RNF220: variants seen among roughly 807,000 people sequenced by gnomAD.
The protein encoded by RNF220 is E3 ubiquitin-protein ligase RNF220.
Under a neutral mutation model 67.1 loss-of-function variants are expected in RNF220, and 7 were observed. The observed-to-expected ratio is 0.10, with a 90% CI of 0.06 to 0.20. The LOEUF (loss-of-function observed/expected upper bound fraction) is 0.20. Among genes scored for constraint, RNF220 ranks in the 10% least tolerant of loss-of-function variants. The pLI, the probability that RNF220 is intolerant of heterozygous loss-of-function variation, is 1.00. For missense variants in RNF220, 565 were observed against 740.3 expected, an observed-to-expected ratio of 0.76 and a Z score of 2.75; for synonymous variants, 270 against 283.2, an observed-to-expected ratio of 0.95 and a Z score of 0.47.
intron 3 of RNF220, among the ~76,000 whole-genome samples, chr1:44,618,164 C>A (rs1643639813): frequency 6.6e-6 from 1 of 152,226 alleles, no homozygotes; most frequent in African/African-American, 2.4e-5. Context: ...GCACACCCCA[C>A]TAGGAGCAGG....
intron 2 of RNF220, among the ~76,000 whole-genome samples, chr1:44,580,009 A>G (rs1665116422): frequency 7.0e-6 from 1 of 143,520 alleles, no homozygotes; most frequent in African/African-American, 2.6e-5. Flanking sequence ...AGCCAGGGCA[A>G]CAGAGCAAGA....
chr1:44,553,498 G>C (rs1162229681), intron 2 of RNF220, among the ~76,000 whole-genome samples: 1 of 152,108 alleles, frequency 6.6e-6, no homozygotes, highest in Non-Finnish European at 1.5e-5. Flanking sequence ...CTTTTTCATT[G>C]TTGTACTCTC....
intron 2 of RNF220, among the ~76,000 whole-genome samples, chr1:44,430,615 G>A (rs1009104264): frequency 9.2e-5 from 14 of 151,948 alleles, no homozygotes; most frequent in Non-Finnish European, 1.6e-4. Context: ...GCATGATCTC[G>A]GCTCACTGCA....
At chr1:44,584,413 G>A (rs985558151) in intron 2 of RNF220, among the ~76,000 whole-genome samples, 2 of 152,190 alleles carry the variant, frequency 1.3e-5, no homozygotes, top group African/African-American at 2.4e-5. Flanking sequence ...CATTAACCTC[G>A]TAGGGATTAA....
chr1:44,422,602 C>G (rs1051553520), intron 2 of RNF220, among the ~76,000 whole-genome samples: 1 of 152,112 alleles, frequency 6.6e-6, no homozygotes, highest in African/African-American at 2.4e-5. Flanking sequence ...GCTGAAGTAC[C>G]CACTGTCCTC....
At chr1:44,457,022 C>G (rs1309765939) in intron 2 of RNF220, among the ~76,000 whole-genome samples, 1 of 152,098 alleles carries the variant, frequency 6.6e-6, no homozygotes, top group Non-Finnish European at 1.5e-5. Context: ...CCAGTCTTGC[C>G]CAGTTACACC....
intron 2 of RNF220, among the ~76,000 whole-genome samples, chr1:44,492,920 A>G (rs1656980947): frequency 6.6e-6 from 1 of 151,164 alleles, no homozygotes; most frequent in South Asian, 2.1e-4. Context: ...CCAAAATCTG[A>G]ATTTTTTTTT....
intron 3 of RNF220, among the ~76,000 whole-genome samples, chr1:44,617,526 AG>A (rs1449568173): frequency 6.6e-6 from 1 of 152,266 alleles, no homozygotes; most frequent in Non-Finnish European, 1.5e-5. Flanking sequence ...GGAGCGTGTC[AG>A]CTCCCTCCGG....
At chr1:44,523,759 C>T (rs1660127425) in intron 2 of RNF220, among the ~76,000 whole-genome samples, 1 of 152,142 alleles carries the variant, frequency 6.6e-6, no homozygotes, top group African/African-American at 2.4e-5. Flanking sequence ...TCTGCTATCC[C>T]CCAGGGCCCA....
At chr1:44,594,395 T>C (rs1241148060) in intron 2 of RNF220, among the ~76,000 whole-genome samples, 1 of 152,064 alleles carries the variant, frequency 6.6e-6, no homozygotes, top group Non-Finnish European at 1.5e-5. Flanking sequence ...TCCCAGGAAG[T>C]GGAGCCCATC....
At chr1:44,537,583 T>TGC (rs1661332281) in intron 2 of RNF220, among the ~76,000 whole-genome samples, 1 of 152,020 alleles carries the variant, frequency 6.6e-6, no homozygotes. Flanking sequence ...TAAAGTTCTG[T>TGC]CCTTTGAATC....
intron 2 of RNF220, among the ~76,000 whole-genome samples, chr1:44,461,573 G>A (rs114060355): frequency 0.01 from 1,595 of 152,080 alleles, 9 homozygotes; most frequent in Middle Eastern, 0.017. Flanking sequence ...TGTGGTTTGC[G>A]GTCTCTTCTG....
rs1667415791 is a variant in RNF220 at position 44,608,175 on chromosome 1, TC to T, written c.626-5989del. ...CCTGGCCTTAAGCAGTCCTCCCACC[TC>T]GGCCTCTCGAAGTGCTAGGATTACA... On this transcript the variant is annotated intron_variant, in intron 2 of 14. Coordinates refer to ENST00000361799, the MANE Select transcript of RNF220 (RefSeq NM_018150.4). 1.3e-5 allele frequency among the ~76,000 whole-genome samples: 2 copies of T among 150,586 alleles called. 1 individual carries two copies. Among genetic ancestry groups the T allele is most frequent in the South Asian group, 4.2e-4 (2 of 4,814 alleles).
intron 8 of RNF220, among the ~76,000 whole-genome samples, chr1:44,638,044 G>C (rs1389091669): frequency 6.6e-6 from 1 of 152,276 alleles, no homozygotes; most frequent in Non-Finnish European, 1.5e-5. Flanking sequence ...AGGCTCCTCA[G>C]TGGGGGGGCT....
chr1:44,503,900 G>A (rs1337870274), intron 2 of RNF220, among the ~76,000 whole-genome samples: 2 of 152,050 alleles, frequency 1.3e-5, no homozygotes, highest in African/African-American at 4.8e-5. Flanking sequence ...GCCAGGCTGG[G>A]GTGCAGTGGC....
At chr1:44,477,261 TG>T (rs2148010271) in intron 2 of RNF220, among the ~76,000 whole-genome samples, 1 of 152,350 alleles carries the variant, frequency 6.6e-6, no homozygotes, top group African/African-American at 2.4e-5. Context: ...TAAATGAACA[TG>T]GTCCCTTCCC....
chr1:44,597,468 GCACA>G (rs56375404), intron 2 of RNF220, among the ~76,000 whole-genome samples: 6,389 of 135,590 alleles, frequency 0.047, 216 homozygotes, highest in East Asian at 0.094. Context: ...TCTCTCTCAT[GCACA>G]CACACACACA....
At position 44,645,369 on chromosome 1, in the gene RNF220, C is replaced by T; in HGVS notation, c.1367-41C>T. On this transcript the variant is annotated intron_variant, in intron 11 of 14. Coordinates refer to ENST00000361799, the MANE Select transcript of RNF220 (RefSeq NM_018150.4). The surrounding 1 kb of genome is among the most constrained non-coding windows in gnomAD (Gnocchi z 5.0). Reference sequence around the variant, plus strand: ...AAGCCCAACCCCTCACCTGTGCTGCCCAGTCTGGCCGGAGTGTGAGTTGCC... The same window carrying T: ...AAGCCCAACCCCTCACCTGTGCTGCTCAGTCTGGCCGGAGTGTGAGTTGCC... The T allele has an allele frequency of 6.2e-7, 1 of 1,613,534 alleles. No homozygotes were observed. Among genetic ancestry groups the T allele is most frequent in the South Asian group, 1.1e-5 (1 of 91,046 alleles).
chr1:44,516,174 G>A (rs913093522), intron 2 of RNF220, among the ~76,000 whole-genome samples: 13 of 152,228 alleles, frequency 8.5e-5, no homozygotes, highest in East Asian at 5.8e-4. Context: ...AAACTGCCTC[G>A]TCTAAGTTAA....
Sources: allele counts gnomAD v4.1 joint callset (sites outside exome capture counted in the v4.1 genomes callset), GRCh38; gene constraint gnomAD v4.1.1; non-coding constraint Gnocchi (gnomAD v3.1); transcripts MANE v1.5; gene names NCBI Gene and HGNC (gene_info 2026-07-23, HGNC 2026-07-21).